The following GRIK1 variants were observed in gnomAD, a reference collection of about 807,000 sequenced individuals.
GRIK1 encodes the protein glutamate ionotropic receptor kainate type subunit 1.
Under a neutral mutation model 105.7 loss-of-function variants are expected in GRIK1, and 69 were observed. The ratio of observed to expected loss-of-function variants is 0.65; its 90% CI spans 0.54 to 0.80. The LOEUF (loss-of-function observed/expected upper bound fraction) is 0.80. Ranked by LOEUF, GRIK1 falls within the 30% of genes least tolerant of loss-of-function variation. The pLI is 0.00. For missense variants in GRIK1, 1,109 were observed against 1,167.3 expected, an observed-to-expected ratio of 0.95 and a Z score of 0.73; for synonymous variants, 438 against 431.3, an observed-to-expected ratio of 1.02 and a Z score of -0.19.
chr21:29,716,647 G>C (rs1205750661), intron 1 of GRIK1, among the ~76,000 whole-genome samples: 1 of 152,182 alleles, frequency 6.6e-6, no homozygotes, highest in Non-Finnish European at 1.5e-5. Flanking sequence ...ATGGAACTTT[G>C]AACTTGAGAG....
intron 1 of GRIK1, among the ~76,000 whole-genome samples, chr21:29,865,124 C>A (rs2068761361): frequency 6.6e-6 from 1 of 152,148 alleles, no homozygotes; most frequent in African/African-American, 2.4e-5. Context: ...TCCCTTGTGT[C>A]TATTTTTACA....
intron 1 of GRIK1, among the ~76,000 whole-genome samples, chr21:29,830,840 C>T (rs1383384301): frequency 6.6e-6 from 1 of 151,826 alleles, no homozygotes; most frequent in Non-Finnish European, 1.5e-5. Flanking sequence ...CATAGAGATT[C>T]CAATAAAGAT....
At chr21:29,579,637 G>A (rs541137920) in intron 13 of GRIK1, among the ~76,000 whole-genome samples, 2 of 152,104 alleles carry the variant, frequency 1.3e-5, no homozygotes, top group Non-Finnish European at 2.9e-5. Context: ...TCAACGCCAC[G>A]TGCTAGAGAC....
chr21:29,724,158 T>C (rs2064393173), intron 1 of GRIK1, among the ~76,000 whole-genome samples: 1 of 152,254 alleles, frequency 6.6e-6, no homozygotes, highest in African/African-American at 2.4e-5. Flanking sequence ...TCGATCCTCG[T>C]GGCCAAGTAA....
At chr21:29,717,271 A>G (rs1175075847) in intron 1 of GRIK1, among the ~76,000 whole-genome samples, 4 of 152,234 alleles carry the variant, frequency 2.6e-5, no homozygotes, top group African/African-American at 9.6e-5. Context: ...CCCCACACAG[A>G]GTCCCCACTG....
intron 14 of GRIK1, among the ~76,000 whole-genome samples, chr21:29,574,006 C>T (rs1018762844): frequency 6.6e-6 from 1 of 152,164 alleles, no homozygotes; most frequent in African/African-American, 2.4e-5. Flanking sequence ...GACCTCATGG[C>T]ATGGGTTGCA....
At chr21:29,841,227 A>G (rs370421390) in intron 1 of GRIK1, among the ~76,000 whole-genome samples, 6 of 152,180 alleles carry the variant, frequency 3.9e-5, no homozygotes, top group East Asian at 3.8e-4. Context: ...TAGAAAATCA[A>G]TATGTCTTTA....
intron 1 of GRIK1, among the ~76,000 whole-genome samples, chr21:29,861,031 T>C (rs376046100): frequency 2.6e-5 from 4 of 152,194 alleles, no homozygotes; most frequent in Non-Finnish European, 5.9e-5. Flanking sequence ...AAGTGGCTAC[T>C]AGAAAATTTT....
intron 1 of GRIK1, among the ~76,000 whole-genome samples, chr21:29,912,826 C>G (rs971513373): frequency 6.6e-6 from 1 of 151,900 alleles, no homozygotes; most frequent in Non-Finnish European, 1.5e-5. Flanking sequence ...AGAGTTCATT[C>G]CCGAAGGTTT....
chr21:29,775,269 C>T (rs2065913697), intron 1 of GRIK1, among the ~76,000 whole-genome samples: 2 of 120,276 alleles, frequency 1.7e-5, no homozygotes, highest in South Asian at 5.2e-4. Flanking sequence ...GAGTGAGCCT[C>T]TGTCTCAAAA....
chr21:29,825,833 A>G (rs1430528149), intron 1 of GRIK1, among the ~76,000 whole-genome samples: 1 of 152,116 alleles, frequency 6.6e-6, no homozygotes, highest in African/African-American at 2.4e-5. Flanking sequence ...ATTCTGGATC[A>G]CGATGATTGT....
intron 7 of GRIK1, among the ~76,000 whole-genome samples, chr21:29,624,190 T>C (rs967314491): frequency 2.0e-5 from 3 of 152,196 alleles, no homozygotes; most frequent in Non-Finnish European, 4.4e-5. Flanking sequence ...ACTCATGACA[T>C]GTATTGATGC....
rs544911521 is a variant in GRIK1 at position 29,858,842 on chromosome 21, G to A, written c.118+80541C>T. ...GTCTCAGAAGTCATATACTCAAGGG[G>A]CCAAACACACAACTTCTTTGCACAC... On this transcript the variant is annotated intron_variant, in intron 1 of 17. Coordinates refer to ENST00000327783, the MANE Select transcript of GRIK1 (RefSeq NM_001330994.2). Among the ~76,000 whole-genome samples, 187 of 151,762 alleles carry A rather than the reference G, an allele frequency of 1.2e-3. 2 individuals carry two copies. The highest frequency in any genetic ancestry group is 4.4e-3 in the African/African-American group (181 of 41,402).
chr21:29,786,165 T>A (rs2066255311), intron 1 of GRIK1, among the ~76,000 whole-genome samples: 1 of 152,164 alleles, frequency 6.6e-6, no homozygotes, highest in South Asian at 2.1e-4. Flanking sequence ...CTTTTTGTAT[T>A]TTTAGTAGAG....
At chr21:29,688,442 TACTA>T (rs1568976325) in intron 3 of GRIK1, among the ~76,000 whole-genome samples, 1 of 152,184 alleles carries the variant, frequency 6.6e-6, no homozygotes, top group African/African-American at 2.4e-5. Flanking sequence ...TGTTTCACTT[TACTA>T]ACTTTCACTT....
At chr21:29,816,084 T>A (rs1034606546) in intron 1 of GRIK1, among the ~76,000 whole-genome samples, 2 of 152,058 alleles carry the variant, frequency 1.3e-5, no homozygotes, top group African/African-American at 4.8e-5. Flanking sequence ...ACAAGGAAGA[T>A]GACTCAACAC....
At chr21:29,929,568 C>T (rs906330203) in intron 1 of GRIK1, among the ~76,000 whole-genome samples, 3 of 152,076 alleles carry the variant, frequency 2.0e-5, no homozygotes, top group African/African-American at 4.8e-5. Flanking sequence ...TTTCTTCTTA[C>T]GGATCATATT....
chr21:29,648,175 A>T (rs1008871329), intron 6 of GRIK1, among the ~76,000 whole-genome samples: 1 of 152,168 alleles, frequency 6.6e-6, no homozygotes, highest in Non-Finnish European at 1.5e-5. Context: ...GCTTTTTTCT[A>T]ATTCCTATAT....
At chr21:29,627,191 T>C (rs1434588194) in intron 7 of GRIK1, among the ~76,000 whole-genome samples, 1 of 152,234 alleles carries the variant, frequency 6.6e-6, no homozygotes, top group African/African-American at 2.4e-5. Context: ...ATATAATAAC[T>C]ATGTATTATG....
Sources: allele counts gnomAD v4.1 joint callset (sites outside exome capture counted in the v4.1 genomes callset), GRCh38; gene constraint gnomAD v4.1.1; transcripts MANE v1.5; gene names NCBI Gene and HGNC (gene_info 2026-07-23, HGNC 2026-07-21).